CCNY: variants seen among roughly 807,000 people sequenced by gnomAD.
CCNY encodes the protein cyclin-Y.
CCNY carries 19 observed loss-of-function variants against 42.8 expected under a neutral mutation model. The observed-to-expected ratio is 0.44, with a 90% CI of 0.31 to 0.65. The LOEUF is 0.65. Ranked by LOEUF, CCNY falls within the 30% of genes least tolerant of loss-of-function variation. The pLI, the probability that CCNY is intolerant of heterozygous loss-of-function variation, is 0.07. For missense variants in CCNY, 370 were observed against 437.3 expected (o/e 0.85, Z 1.37); for synonymous variants, 165 against 162.7 (o/e 1.01, Z -0.11).
chr10:35,374,096 G>A (rs965113630), intron 1 of CCNY, among the ~76,000 whole-genome samples: 7 of 152,130 alleles, frequency 4.6e-5, no homozygotes, highest in Non-Finnish European at 8.8e-5. Context: ...CCCAATTAAA[G>A]CCCCTTTGCA....
At chr10:35,261,696 C>A (rs2095719787) in intron 3 of CCNY, among the ~76,000 whole-genome samples, 1 of 152,014 alleles carries the variant, frequency 6.6e-6, no homozygotes, top group Admixed American at 6.6e-5. Flanking sequence ...CAAAGGGAGA[C>A]CCAATCTCTA....
At chr10:35,562,668 T>C (rs1841489731) in intron 8 of CCNY, among the ~76,000 whole-genome samples, 1 of 152,210 alleles carries the variant, frequency 6.6e-6, no homozygotes, top group African/African-American at 2.4e-5. Context: ...TAGGGCTGTA[T>C]AATACTTCAC....
chr10:35,479,255 G>T (rs1839598294), intron 1 of CCNY, among the ~76,000 whole-genome samples: 4 of 151,548 alleles, frequency 2.6e-5, no homozygotes, highest in Admixed American at 2.0e-4. Flanking sequence ...CCCATTACTG[G>T]GTATATACCC....
At chr10:35,423,389 T>C (rs992305650) in intron 1 of CCNY, among the ~76,000 whole-genome samples, 1 of 151,700 alleles carries the variant, frequency 6.6e-6, no homozygotes, top group African/African-American at 2.4e-5. Flanking sequence ...GTCCGCGGAT[T>C]ACCTGAGCCC....
At chr10:35,425,523 G>A (rs1838247149) in intron 1 of CCNY, among the ~76,000 whole-genome samples, 1 of 152,196 alleles carries the variant, frequency 6.6e-6, no homozygotes, top group East Asian at 1.9e-4. Context: ...CATTCATAGA[G>A]TGGGATGTTA....
At chr10:35,328,168 G>T (rs1835900602) in intron 3 of CCNY, among the ~76,000 whole-genome samples, 1 of 152,170 alleles carries the variant, frequency 6.6e-6, no homozygotes, top group African/African-American at 2.4e-5. Context: ...AACGGGCATT[G>T]AAGGTGTTAT....
chr10:35,380,824 T>G (rs1837167015), intron 1 of CCNY, among the ~76,000 whole-genome samples: 1 of 152,216 alleles, frequency 6.6e-6, no homozygotes, highest in African/African-American at 2.4e-5. Context: ...ACATACACGG[T>G]CAGCTGAGGT....
intron 3 of CCNY, among the ~76,000 whole-genome samples, chr10:35,272,188 T>C (rs372279418): frequency 2.0e-5 from 3 of 152,126 alleles, no homozygotes; most frequent in East Asian, 1.9e-4. Flanking sequence ...GGTTTCTCCA[T>C]GTTGGCCAGG....
At chr10:35,316,293 C>T (rs959114687) in intron 3 of CCNY, 3 of 152,154 alleles carry the variant, frequency 2.0e-5, no homozygotes, top group Non-Finnish European at 4.4e-5. Flanking sequence ...AAAGAAACTT[C>T]GATAAAATCT....
intron 3 of CCNY, among the ~76,000 whole-genome samples, chr10:35,503,622 C>T (rs1182034968): frequency 2.0e-5 from 3 of 152,320 alleles, no homozygotes; most frequent in African/African-American, 4.8e-5. Flanking sequence ...AATAATCGGT[C>T]CCATCTGCTG....
At chr10:35,362,953 G>A (rs920466893) in intron 1 of CCNY, among the ~76,000 whole-genome samples, 1 of 149,302 alleles carries the variant, frequency 6.7e-6, no homozygotes, top group African/African-American at 2.5e-5. Context: ...GTCGGTGGCC[G>A]TACAGAGGCG....
chr10:35,511,870 C>G (rs888484214), intron 3 of CCNY, among the ~76,000 whole-genome samples: 6 of 152,090 alleles, frequency 3.9e-5, no homozygotes, highest in African/African-American at 1.4e-4. Context: ...AGAGTTGACT[C>G]GTGTGTCTCT....
At chr10:35,400,352 C>T (rs762715636) in intron 1 of CCNY, among the ~76,000 whole-genome samples, 20 of 152,060 alleles carry the variant, frequency 1.3e-4, no homozygotes, top group Non-Finnish European at 2.2e-4. Flanking sequence ...TTCCCCCTCC[C>T]CTCACCTTGG....
chr10:35,463,683 T>G (rs1324223684), intron 1 of CCNY, among the ~76,000 whole-genome samples: 2 of 151,988 alleles, frequency 1.3e-5, no homozygotes, highest in Non-Finnish European at 2.9e-5. Context: ...TTAAAACTCA[T>G]TATTAAATTT....
intron 1 of CCNY, among the ~76,000 whole-genome samples, chr10:35,382,234 C>G (rs1027225727): frequency 6.6e-6 from 1 of 152,192 alleles, no homozygotes; most frequent in Non-Finnish European, 1.5e-5. Flanking sequence ...TGAAGGATTA[C>G]TCTGTGTCTG....
At chr10:35,335,563 G>GA (rs200622881), upstream of CCNY, among the ~76,000 whole-genome samples, 5,197 of 149,254 alleles carry the variant, frequency 0.035, 91 homozygotes, top group Middle Eastern at 0.042. Context: ...TAAATGCTTA[G>GA]AAAAAAAAAA....
intron 1 of CCNY, among the ~76,000 whole-genome samples, chr10:35,432,771 T>G (rs2135282348): frequency 6.6e-6 from 1 of 152,354 alleles, no homozygotes; most frequent in East Asian, 1.9e-4. Flanking sequence ...TTCTGAAAAG[T>G]AACTTTTCTG....
At chr10:35,360,219 G>T (rs540257592) in intron 1 of CCNY, among the ~76,000 whole-genome samples, 2 of 152,028 alleles carry the variant, frequency 1.3e-5, no homozygotes, top group South Asian at 4.1e-4. Flanking sequence ...TATTATATGG[G>T]CCTTATGAGG....
chr10:35,394,945 A>G (rs1489319299), intron 1 of CCNY: 2 of 625,808 alleles, frequency 3.2e-6, no homozygotes, highest in Non-Finnish European at 4.0e-6. Flanking sequence ...CTCTTTGGAA[A>G]CTTCACATCC....
Sources: gnomAD v4.1 joint callset for allele counts (sites outside exome capture counted in the v4.1 genomes callset) on GRCh38, gnomAD v4.1.1 for gene constraint, MANE v1.5 for transcripts, NCBI Gene and HGNC (gene_info 2026-07-23, HGNC 2026-07-21) for gene names.